The following HMCN1 variants were observed in gnomAD, a reference collection of about 807,000 sequenced individuals.
HMCN1 encodes hemicentin-1.
HMCN1 carries 321 observed loss-of-function variants against 625.9 expected under a neutral mutation model. The ratio of observed to expected loss-of-function variants is 0.51; its 90% confidence interval spans 0.47 to 0.56. The LOEUF (loss-of-function observed/expected upper bound fraction) is 0.56, where lower values mean the gene tolerates loss of function less well. HMCN1 is among the 20% of genes least tolerant of loss of function. The pLI, the probability that HMCN1 is intolerant of heterozygous loss-of-function variation, is 0.00. For missense variants in HMCN1, 6,588 were observed against 6,887.3 expected, an observed-to-expected ratio of 0.96 and a Z score of 1.54; for synonymous variants, 2,425 against 2,417.6, an observed-to-expected ratio of 1.00 and a Z score of -0.09.
chr1:185,900,138 A>G (rs16824695), intron 4 of HMCN1, among the ~76,000 whole-genome samples: 5,617 of 151,800 alleles, frequency 0.037, 307 homozygotes, highest in African/African-American at 0.13. Context: ...TGGTATGCTG[A>G]TGAGTCTGAC....
At chr1:185,854,620 G>A (rs1485915870) in intron 2 of HMCN1, among the ~76,000 whole-genome samples, 2 of 152,018 alleles carry the variant, frequency 1.3e-5, no homozygotes, top group African/African-American at 2.4e-5. Flanking sequence ...GTTTAAACTA[G>A]GTCTCTATCC....
At chr1:186,150,280 T>C (rs2102570986) in intron 93 of HMCN1, among the ~76,000 whole-genome samples, 1 of 152,340 alleles carries the variant, frequency 6.6e-6, no homozygotes, top group East Asian at 1.9e-4. Flanking sequence ...GATTTGACTA[T>C]CAGCTACTTC....
chr1:185,913,572 C>T (rs1410312789), intron 6 of HMCN1, among the ~76,000 whole-genome samples: 2 of 152,074 alleles, frequency 1.3e-5, no homozygotes, highest in African/African-American at 4.8e-5. Flanking sequence ...GAATATTGAC[C>T]TTAAGTAGTC....
At chr1:185,842,503 G>C (rs376926244) in intron 1 of HMCN1, among the ~76,000 whole-genome samples, 2 of 151,774 alleles carry the variant, frequency 1.3e-5, no homozygotes, top group Non-Finnish European at 2.9e-5. Context: ...GGTCGAGGCC[G>C]CAGTGAGCTG....
rs114279292 is a variant in HMCN1, at chr1:185,739,886, G to A, written c.268+4839G>A. 5.7e-3 allele frequency among the ~76,000 whole-genome samples: 873 copies of A among 152,282 alleles called. 3 individuals carry two copies. Among genetic ancestry groups the A allele is most frequent in the African/African-American group, 0.02 (837 of 41,546 alleles). The stretch of plus-strand genomic sequence containing the variant: ...AATTTTAAATTCGGTCATTAGGGAA[G>A]TCCTCAGTTGAAAAGTCACATTTGA... On this transcript the variant is annotated intron_variant, in intron 1 of 106. Transcript: ENST00000271588.
At chr1:186,139,110 G>A (rs1363698048) in intron 89 of HMCN1, among the ~76,000 whole-genome samples, 7 of 152,302 alleles carry the variant, frequency 4.6e-5, no homozygotes, top group African/African-American at 1.7e-4. Context: ...AAAGGGACAG[G>A]TATTCACTAC....
At chr1:186,091,232 A>T (rs766816519) in intron 64 of HMCN1, among the ~76,000 whole-genome samples, 2 of 152,024 alleles carry the variant, frequency 1.3e-5, no homozygotes, top group Non-Finnish European at 2.9e-5. Context: ...CAGAATGATT[A>T]TGCTAAAGCC....
Position 186,108,493 on chromosome 1 carries a change from C to T in HMCN1, c.10885C>T (p.Arg3629Trp), listed in dbSNP as rs772638174. 2.4e-5 allele frequency: 39 copies of T among 1,613,956 alleles called. No individual in the cohort carries two copies. Among genetic ancestry groups the T allele is most frequent in the Middle Eastern group, 1.6e-4 (1 of 6,084 alleles). Residue 3629 changes from arginine (R) to tryptophan (W), a missense_variant, in exon 71 of 107, where the codon CGG (arginine) becomes TGG (tryptophan). Transcript: ENST00000271588. ...PPNIAGTDEP[R>W]DITVLRNRQV... ...TAATATTGCTGGAACTGATGAGCCC[C>T]GGGATATCACTGTGTTACGGAACAG... is the stretch of plus-strand genomic sequence containing the variant.
chr1:185,747,118 ACT>A (rs1654461922), intron 1 of HMCN1, among the ~76,000 whole-genome samples: 1 of 151,928 alleles, frequency 6.6e-6, no homozygotes, highest in South Asian at 2.1e-4. Flanking sequence ...AAAAACCAAA[ACT>A]CTAACTCTTT....
In HMCN1 at chr1:186,057,368, G is replaced by T. The variant is rs764921432; in HGVS notation, c.7279G>T (p.Val2427Phe). ...SITWFKDGWP[V>F]SLSNSVRILS... is the part of the protein sequence containing the mutation. ...AACCTGGTTCAAAGATGGGTGGCCT[G>T]TCAGCCTTAGCAATTCTGTGAGGAT... The change falls in exon 46 of 107, where the codon GTC becomes TTC. Residue 2427 changes from valine to phenylalanine, a missense_variant. Val to Phe is a conservative substitution (Grantham distance 50). This residue lies in a region of HMCN1 where 4,628 missense variants were observed against 4,853.1 expected (regional missense o/e 0.95). Transcript: ENST00000271588. The T allele has an allele frequency of 1.2e-6, 2 of 1,610,822 alleles. No individual in the cohort carries two copies. The highest frequency in any genetic ancestry group is 1.7e-6 in the Non-Finnish European group (2 of 1,177,408).
At chr1:186,058,744 C>T (rs1571794940) in intron 46 of HMCN1, among the ~76,000 whole-genome samples, 1 of 151,914 alleles carries the variant, frequency 6.6e-6, no homozygotes, top group Non-Finnish European at 1.5e-5. Context: ...TGGCAGTAAG[C>T]TCCCTTCACC....
intron 86 of HMCN1, among the ~76,000 whole-genome samples, chr1:186,135,897 GCTC>G (rs1052906361): frequency 2.0e-5 from 3 of 152,212 alleles, no homozygotes; most frequent in African/African-American, 7.2e-5. Context: ...TGGACTGTGA[GCTC>G]CTTGAGACTA....
At chr1:185,876,951 C>CT (rs934456031) in intron 4 of HMCN1, among the ~76,000 whole-genome samples, 1 of 151,914 alleles carries the variant, frequency 6.6e-6, no homozygotes, top group Non-Finnish European at 1.5e-5. Context: ...TTTACATTTG[C>CT]TTTTGAGTTC....
intron 1 of HMCN1, among the ~76,000 whole-genome samples, chr1:185,815,465 A>G (rs1164626914): frequency 6.7e-6 from 1 of 150,326 alleles, no homozygotes; most frequent in Non-Finnish European, 1.5e-5. Context: ...CATGCTGCCT[A>G]TAAATGTACT....
At position 185,928,571 on chromosome 1, in the gene HMCN1, A is replaced by T; in HGVS notation, c.1456A>T (p.Ile486Phe). Residue 486 changes from isoleucine to phenylalanine, a missense_variant, in exon 10 of 107, where the codon ATT becomes TTT. Ile to Phe is a conservative substitution (Grantham distance 21, BLOSUM62 0). Around this residue, in one of 3 missense-constraint regions of HMCN1, gnomAD observed 4,628 missense variants for 4,853.1 expected, o/e 0.95. Coordinates refer to ENST00000271588, the MANE Select transcript of HMCN1 (RefSeq NM_031935.3). The stretch of plus-strand genomic sequence containing the variant: ...AGAATCTGCCAGTGTGAACTTAGAT[A>T]TTGCAAAGGTCACTTTGTCTGACGA... ...LKESASVNLD[I>F]AKVTLSDEGF... is the part of the protein sequence containing the mutation. 1 of 1,613,294 alleles carries T rather than the reference A, an allele frequency of 6.2e-7. No homozygotes were observed. The highest frequency in any genetic ancestry group is 8.5e-7 in the Non-Finnish European group (1 of 1,179,300).
At chr1:186,015,065 T>C in intron 30 of HMCN1, 94 bp from the exon 31 acceptor site, 1 of 1,118,394 alleles carries the variant, frequency 8.9e-7, no homozygotes, top group Admixed American at 1.8e-5. Flanking sequence ...TTTAATTTAC[T>C]TTAAATGCAT....
intron 30 of HMCN1, 132 bp downstream of exon 30, chr1:186,007,414 C>T: frequency 1.3e-6 from 1 of 792,720 alleles, no homozygotes; most frequent in East Asian, 2.6e-5. Context: ...GAAGAAGGAG[C>T]TTATCTTCAT....
chr1:185,878,847 TGTCCAAG>T (rs1338091785), intron 4 of HMCN1, among the ~76,000 whole-genome samples: 2 of 152,214 alleles, frequency 1.3e-5, no homozygotes, highest in African/African-American at 4.8e-5. Flanking sequence ...GTGCGGATGA[TGTCCAAG>T]TCTTCAGCCC....
intron 20 of HMCN1, among the ~76,000 whole-genome samples, chr1:185,989,257 AG>A (rs1352714914): frequency 6.6e-6 from 1 of 151,954 alleles, no homozygotes; most frequent in Non-Finnish European, 1.5e-5. Context: ...GGCCTCCCAA[AG>A]TGTTGGGATT....
Sources: allele counts gnomAD v4.1 joint callset (sites outside exome capture counted in the v4.1 genomes callset), GRCh38; gene constraint gnomAD v4.1.1; regional missense constraint gnomAD v4.1.1; transcripts MANE v1.5; gene names NCBI Gene and HGNC (gene_info 2026-07-23, HGNC 2026-07-21).